The following SLC25A48 variants were observed in gnomAD, a reference collection of about 807,000 sequenced individuals.
SLC25A48 encodes the protein CTC-321K16.1.
In SLC25A48, 29 loss-of-function variants were observed where a neutral mutation model predicts 32.2. The ratio of observed to expected loss-of-function variants is 0.90; its 90% CI spans 0.67 to 1.23. SLC25A48 has a LOEUF of 1.23. Among genes scored for constraint, SLC25A48 ranks in the 50% most tolerant of loss-of-function variants. The pLI is 0.00. For missense variants in SLC25A48, 399 were observed against 422.7 expected (o/e 0.94, Z 0.49); for synonymous variants, 164 against 172.3 (o/e 0.95, Z 0.38).
At chr5:135,730,318 A>G (rs1755194797) in intron 3 of SLC25A48, among the ~76,000 whole-genome samples, 1 of 152,134 alleles carries the variant, frequency 6.6e-6, no homozygotes, top group Non-Finnish European at 1.5e-5. Flanking sequence ...AGTCTTTCCC[A>G]TGCTGTTCTC....
chr5:135,653,096 G>C (rs1361788008), intron 3 of SLC25A48, among the ~76,000 whole-genome samples: 1 of 152,186 alleles, frequency 6.6e-6, no homozygotes, highest in Non-Finnish European at 1.5e-5. Flanking sequence ...GACATAGCAA[G>C]AAGGCCCACA....
rs137978707 is a variant in SLC25A48, at chr5:135,730,417, C to G, written c.-520-82106C>G. ...TCTCTCATTTTTTGCCTGCCGCCAC[C>G]CACTTAGGATGTGACTTGTTCCTCC... On this transcript the variant is annotated intron_variant, in intron 3 of 10. Transcript: ENST00000646290. 9.9e-3 allele frequency among the ~76,000 whole-genome samples: 1,503 copies of G among 152,298 alleles called. 28 individuals are homozygous for G. The highest frequency in any genetic ancestry group is 0.033 in the African/African-American group (1,387 of 41,548).
intron 7 of SLC25A48, among the ~76,000 whole-genome samples, chr5:135,881,988 A>G (rs1043507637): frequency 8.5e-5 from 13 of 152,226 alleles, no homozygotes; most frequent in African/African-American, 2.9e-4. Flanking sequence ...CGTACCTGCC[A>G]CTGTGACCAC....
At chr5:135,619,651 G>A (rs918729763) in intron 1 of SLC25A48, among the ~76,000 whole-genome samples, 18 of 152,194 alleles carry the variant, frequency 1.2e-4, no homozygotes, top group African/African-American at 3.9e-4. Flanking sequence ...TTTCATAGGG[G>A]ACAACTGTTT....
intron 3 of SLC25A48, among the ~76,000 whole-genome samples, chr5:135,705,274 C>A (rs1431915547): frequency 6.6e-6 from 1 of 152,214 alleles, no homozygotes; most frequent in Non-Finnish European, 1.5e-5. Flanking sequence ...CAAGCAGCTG[C>A]TGTCATGGCA....
chr5:135,862,424 G>A (rs1760871300), intron 4 of SLC25A48, among the ~76,000 whole-genome samples: 1 of 152,078 alleles, frequency 6.6e-6, no homozygotes. Context: ...TGGAGGCAAG[G>A]AGATGAGTGT....
At chr5:135,820,331 T>A (rs1757852165) in intron 4 of SLC25A48, among the ~76,000 whole-genome samples, 1 of 152,202 alleles carries the variant, frequency 6.6e-6, no homozygotes, top group Non-Finnish European at 1.5e-5. Context: ...TGTGATTCCG[T>A]GTATTCTAGA....
intron 3 of SLC25A48, among the ~76,000 whole-genome samples, chr5:135,739,185 A>G (rs1004033606): frequency 6.6e-6 from 1 of 152,078 alleles, no homozygotes; most frequent in African/African-American, 2.4e-5. Flanking sequence ...TGATGTGATC[A>G]TGGCTCACTG....
intron 3 of SLC25A48, among the ~76,000 whole-genome samples, chr5:135,695,604 GCCTC>G (rs1754247085): frequency 1.3e-5 from 2 of 151,970 alleles, no homozygotes; most frequent in Non-Finnish European, 2.9e-5. Context: ...AGAATGCACT[GCCTC>G]CCACCCACAG....
chr5:135,852,956 C>A, intron 4 of SLC25A48, 135 bp downstream of exon 4: 1 of 1,204,090 alleles, frequency 8.3e-7, no homozygotes, highest in Non-Finnish European at 1.1e-6. Context: ...TCCGTAATTA[C>A]AGGCATACCT....
At chr5:135,876,128 C>CTTGTTTTTTTTTTTTTTTTTTTTTTT (rs1402681382) in intron 6 of SLC25A48, 1 of 47,866 alleles carries the variant, frequency 2.1e-5, no homozygotes, top group African/African-American at 7.8e-5. Flanking sequence ...TTTTTTTCTT[C>CTTGTTTTTTTTTTTTTTTTTTTTTTT]TTCTTTTTTT....
chr5:135,838,428 T>G (rs1400580310), intron 1 of SLC25A48, among the ~76,000 whole-genome samples: 2 of 152,176 alleles, frequency 1.3e-5, no homozygotes, highest in African/African-American at 2.4e-5. Context: ...GGGGAGAAAT[T>G]CAAGCCTGCT....
At chr5:135,684,870 C>G (rs942306389) in intron 3 of SLC25A48, among the ~76,000 whole-genome samples, 7 of 152,316 alleles carry the variant, frequency 4.6e-5, no homozygotes, top group Non-Finnish European at 8.8e-5. Context: ...TATTACCACT[C>G]TTTTGCAATT....
intron 3 of SLC25A48, among the ~76,000 whole-genome samples, chr5:135,703,131 G>A (rs1754430860): frequency 1.3e-5 from 2 of 152,210 alleles, no homozygotes; most frequent in African/African-American, 2.4e-5. Context: ...GGGCCCACGG[G>A]CAAATAGCAG....
At chr5:135,873,880 A>G (rs1249726553) in intron 5 of SLC25A48, 141 bp from the exon 6 acceptor site, 1 of 934,022 alleles carries the variant, frequency 1.1e-6, no homozygotes, top group African/African-American at 1.7e-5. Flanking sequence ...AGAATCAGAA[A>G]CAAACTTTGC....
chr5:135,809,148 AG>A (rs1757538343), intron 3 of SLC25A48, among the ~76,000 whole-genome samples: 1 of 151,946 alleles, frequency 6.6e-6, no homozygotes, highest in African/African-American at 2.4e-5. Context: ...AAAAAAAAAA[AG>A]ATAGCCAGGC....
At chr5:135,603,139 C>T (rs1275736831) in intron 1 of SLC25A48, among the ~76,000 whole-genome samples, 1 of 152,218 alleles carries the variant, frequency 6.6e-6, no homozygotes, top group Non-Finnish European at 1.5e-5. Flanking sequence ...CCCAAGCCTC[C>T]AGCCCAGGCC....
At chr5:135,590,051 C>CT (rs1338831383) in intron 1 of SLC25A48, among the ~76,000 whole-genome samples, 2 of 152,114 alleles carry the variant, frequency 1.3e-5, no homozygotes, top group Non-Finnish European at 2.9e-5. Context: ...CCCAGATTTG[C>CT]TTTTTTGTTT....
At chr5:135,694,333 C>T (rs2126960697) in intron 3 of SLC25A48, among the ~76,000 whole-genome samples, 1 of 152,322 alleles carries the variant, frequency 6.6e-6, no homozygotes, top group South Asian at 2.1e-4. Context: ...GGGAGGGCTG[C>T]AGAGGTTAAA....
Sources: gnomAD v4.1 joint callset for allele counts (sites outside exome capture counted in the v4.1 genomes callset) on GRCh38, gnomAD v4.1.1 for gene constraint, MANE v1.5 for transcripts, NCBI Gene and HGNC (gene_info 2026-07-23, HGNC 2026-07-21) for gene names.